Variants in KHDRBS3 observed in about 807,000 individuals in gnomAD.
KHDRBS3 encodes the protein KH domain-containing, RNA-binding, signal transduction-associated protein 3.
KHDRBS3 carries 23 observed loss-of-function variants against 45.6 expected under a neutral mutation model. The observed-to-expected ratio is 0.50, with a 90% CI of 0.36 to 0.72. The LOEUF (loss-of-function observed/expected upper bound fraction) is 0.72. Among genes scored for constraint, KHDRBS3 ranks in the 30% least tolerant of loss-of-function variants. The probability of loss-of-function intolerance (pLI) is 0.00; values close to 1 mark genes in which losing one functional copy is unlikely to be tolerated. For synonymous variants in KHDRBS3, 162 were observed against 156.5 expected (o/e 1.04, Z -0.26); for missense variants, 352 against 424.8 (o/e 0.83, Z 1.51).
chr8:135,614,999 T>A (rs1291771009), intron 7 of KHDRBS3, among the ~76,000 whole-genome samples: 2 of 151,772 alleles, frequency 1.3e-5, no homozygotes, highest in African/African-American at 4.9e-5. Context: ...GGGGGGATTT[T>A]GGCTGAACTG....
intron 5 of KHDRBS3, among the ~76,000 whole-genome samples, chr8:135,570,294 A>T (rs6981659): frequency 0.77 from 116,773 of 152,126 alleles, 45,068 homozygotes; most frequent in East Asian, 0.96. Context: ...TGAATAGAAA[A>T]GTTACAAGAT....
chr8:135,571,979 A>T (rs1827724608), intron 5 of KHDRBS3, among the ~76,000 whole-genome samples: 1 of 152,194 alleles, frequency 6.6e-6, no homozygotes, highest in African/African-American at 2.4e-5. Context: ...AAATAATTCG[A>T]TACTAAAAAC....
At chr8:135,497,050 T>G (rs990403659) in intron 1 of KHDRBS3, among the ~76,000 whole-genome samples, 1 of 152,198 alleles carries the variant, frequency 6.6e-6, no homozygotes, top group Non-Finnish European at 1.5e-5. Context: ...GTCAGTAAAG[T>G]GAGTCCAGAC....
At chr8:135,486,285 G>A (rs1431207446) in intron 1 of KHDRBS3, among the ~76,000 whole-genome samples, 1 of 152,128 alleles carries the variant, frequency 6.6e-6, no homozygotes, top group Non-Finnish European at 1.5e-5. Context: ...ACTCACTTTT[G>A]ATTCCAGATA....
At chr8:135,563,468 G>T (rs1827261089) in intron 5 of KHDRBS3, among the ~76,000 whole-genome samples, 1 of 152,208 alleles carries the variant, frequency 6.6e-6, no homozygotes, top group African/African-American at 2.4e-5. Flanking sequence ...CCAGAAGCTG[G>T]CTCAGAACCC....
In KHDRBS3 at chr8:135,472,617, C is replaced by T. The variant is rs142449234; in HGVS notation, c.88+14663C>T. 8.3e-4 allele frequency among the ~76,000 whole-genome samples: 127 copies of T among 152,326 alleles called. 2 individuals carry two copies. Among genetic ancestry groups the T allele is most frequent in the Non-Finnish European group, 1.2e-3 (83 of 68,032 alleles). ...AGACAGGGACTAGGATGAAGGGCCT[C>T]ATGCATGGCTAAGGAGTGCAAATGT... On this transcript the variant is annotated intron_variant, in intron 1 of 8. Coordinates refer to ENST00000355849, the MANE Select transcript of KHDRBS3 (RefSeq NM_006558.3).
intron 1 of KHDRBS3, among the ~76,000 whole-genome samples, chr8:135,512,840 A>G (rs1824372826): frequency 1.3e-5 from 2 of 152,186 alleles, no homozygotes; most frequent in African/African-American, 4.8e-5. Context: ...TTGTGGTACA[A>G]GTTTTATACA....
At chr8:135,525,383 C>T (rs1219799393) in intron 2 of KHDRBS3, among the ~76,000 whole-genome samples, 1 of 152,158 alleles carries the variant, frequency 6.6e-6, no homozygotes, top group African/African-American at 2.4e-5. Flanking sequence ...GTATTCCCCC[C>T]TCACATTTCA....
intron 3 of KHDRBS3, among the ~76,000 whole-genome samples, chr8:135,545,865 T>TGG (rs1352950106): frequency 6.6e-6 from 1 of 152,194 alleles, no homozygotes; most frequent in Non-Finnish European, 1.5e-5. Context: ...TGGCCAGTCA[T>TGG]GGTGGCTCAT....
intron 6 of KHDRBS3, among the ~76,000 whole-genome samples, chr8:135,605,403 C>A (rs1586792412): frequency 2.6e-5 from 4 of 152,194 alleles, no homozygotes; most frequent in Admixed American, 2.6e-4. Context: ...CATCCTAGTT[C>A]TATCTGCTGA....
At chr8:135,541,131 T>C (rs1826029223) in intron 2 of KHDRBS3, 1 of 152,196 alleles carries the variant, frequency 6.6e-6, no homozygotes, top group Admixed American at 6.5e-5. Flanking sequence ...AGTAGGTATA[T>C]AGGAAATGTA....
intron 4 of KHDRBS3, among the ~76,000 whole-genome samples, chr8:135,655,203 C>A (rs1383290425): frequency 6.6e-6 from 1 of 152,192 alleles, no homozygotes; most frequent in Non-Finnish European, 1.5e-5. Context: ...CTTTAAATAA[C>A]AGTTTGCATC....
At chr8:135,631,543 C>G (rs532255787) in intron 7 of KHDRBS3, among the ~76,000 whole-genome samples, 1 of 152,186 alleles carries the variant, frequency 6.6e-6, no homozygotes, top group South Asian at 2.1e-4. Context: ...TCCTTGTCTT[C>G]TACCTCCACA....
intron 6 of KHDRBS3, among the ~76,000 whole-genome samples, chr8:135,591,386 A>G (rs1230741442): frequency 1.3e-5 from 2 of 152,258 alleles, no homozygotes; most frequent in Non-Finnish European, 2.9e-5. Flanking sequence ...CTCATAGGAC[A>G]GCTACCTTTG....
At chr8:135,591,151 A>T (rs1461612204) in intron 6 of KHDRBS3, among the ~76,000 whole-genome samples, 1 of 152,246 alleles carries the variant, frequency 6.6e-6, no homozygotes, top group Non-Finnish European at 1.5e-5. Context: ...AAAGTCACAC[A>T]GTCTATTAGG....
chr8:135,513,057 G>A (rs1824386122), intron 1 of KHDRBS3, among the ~76,000 whole-genome samples: 1 of 152,042 alleles, frequency 6.6e-6, no homozygotes, highest in Admixed American at 6.6e-5. Flanking sequence ...AAAATTAGCT[G>A]GGCGCAGTGG....
intron 1 of KHDRBS3, among the ~76,000 whole-genome samples, chr8:135,505,504 G>T (rs1438632727): frequency 6.6e-6 from 1 of 152,176 alleles, no homozygotes; most frequent in Non-Finnish European, 1.5e-5. Context: ...TACCAAGAGG[G>T]TGTATCAATC....
At chr8:135,571,577 GCC>G (rs1287075763) in intron 5 of KHDRBS3, among the ~76,000 whole-genome samples, 13 of 152,138 alleles carry the variant, frequency 8.5e-5, no homozygotes, top group Admixed American at 5.2e-4. Flanking sequence ...AGAAAAGAGT[GCC>G]ATGAAAATAC....
At chr8:135,526,363 A>G (rs1293728776) in intron 2 of KHDRBS3, among the ~76,000 whole-genome samples, 1 of 151,800 alleles carries the variant, frequency 6.6e-6, no homozygotes, top group Non-Finnish European at 1.5e-5. Context: ...TAATTTAAAA[A>G]TTATAATTTC....
Sources: gnomAD v4.1 joint callset for allele counts (sites outside exome capture counted in the v4.1 genomes callset) on GRCh38, gnomAD v4.1.1 for gene constraint, MANE v1.5 for transcripts, NCBI Gene and HGNC (gene_info 2026-07-23, HGNC 2026-07-21) for gene names.